The following NHSL2 variants were observed in gnomAD, a reference collection of about 807,000 sequenced individuals.
NHSL2 encodes NHS-like protein 2.
A neutral mutation model predicts 53.4 loss-of-function variants in NHSL2; 27 were observed. That is an observed-to-expected ratio of 0.51 (90% CI 0.37 to 0.70). The LOEUF is 0.70. Ranked by LOEUF, NHSL2 falls within the 30% of genes least tolerant of loss-of-function variation. The probability of loss-of-function intolerance (pLI) is 0.00; values close to 1 mark genes in which losing one functional copy is unlikely to be tolerated. For missense variants in NHSL2, 892 were observed against 980.1 expected (o/e 0.91, Z 1.20); for synonymous variants, 408 against 404.1 (o/e 1.01, Z -0.12).
At chrX:72,005,729 AT>A (rs1277547760) in intron 1 of NHSL2, among the ~76,000 whole-genome samples, 3 of 111,697 alleles carry the variant, frequency 2.7e-5, no homozygotes, top group East Asian at 5.6e-4. Context: ...ATGTAAGATG[AT>A]TCATCAGTGG....
intron 1 of NHSL2, among the ~76,000 whole-genome samples, chrX:71,952,361 A>C (rs1201642304): frequency 1.2e-4 from 13 of 112,348 alleles, no homozygotes; most frequent in Non-Finnish European, 2.4e-4. Flanking sequence ...GAGTGTTTAC[A>C]GTTGGAGAAG....
intron 1 of NHSL2, among the ~76,000 whole-genome samples, chrX:72,084,154 A>G (rs753081631): frequency 4.4e-4 from 49 of 112,196 alleles, no homozygotes; most frequent in African/African-American, 1.6e-3. Context: ...TTACAGGCCT[A>G]TATCCTCCAC....
chrX:72,120,071 G>A (rs1442775619), intron 1 of NHSL2, among the ~76,000 whole-genome samples: 3 of 112,379 alleles, frequency 2.7e-5, no homozygotes, highest in Non-Finnish European at 3.8e-5. Context: ...CTTGGTCATC[G>A]TGTATGATCC....
intron 1 of NHSL2, among the ~76,000 whole-genome samples, chrX:72,021,783 CAGA>C (rs1408907392): frequency 1.8e-5 from 2 of 111,545 alleles, no homozygotes; most frequent in African/African-American, 3.3e-5. Flanking sequence ...CTCCTCTGCT[CAGA>C]AGCCTTCAGA....
intron 1 of NHSL2, among the ~76,000 whole-genome samples, chrX:71,934,866 A>G (rs2041730134): frequency 8.9e-6 from 1 of 112,386 alleles, no homozygotes; most frequent in Admixed American, 9.4e-5. Context: ...GATGGCGTCC[A>G]TTCTTAACTA....
chrX:72,011,481 C>A (rs1271574768), intron 1 of NHSL2, among the ~76,000 whole-genome samples: 1 of 111,869 alleles, frequency 8.9e-6, no homozygotes, highest in African/African-American at 3.3e-5. Flanking sequence ...ACCATCGTGG[C>A]CAACACGGTG....
intron 1 of NHSL2, among the ~76,000 whole-genome samples, chrX:72,100,532 T>C (rs1222408374): frequency 8.9e-6 from 1 of 112,346 alleles, no homozygotes; most frequent in Non-Finnish European, 1.9e-5. Flanking sequence ...TACCAGTCCA[T>C]GACCTGTTAA....
At chrX:72,069,974 G>A (rs1291177628) in intron 1 of NHSL2, among the ~76,000 whole-genome samples, 2 of 112,087 alleles carry the variant, frequency 1.8e-5, no homozygotes, top group East Asian at 2.8e-4. Flanking sequence ...CAGCCCCTTC[G>A]CCGGCAACCC....
intron 1 of NHSL2, among the ~76,000 whole-genome samples, chrX:72,107,077 C>T (rs1370831968): frequency 9.1e-6 from 1 of 110,084 alleles, no homozygotes; most frequent in Non-Finnish European, 1.9e-5. Context: ...CAAACCTGCA[C>T]ATTGCACACA....
intron 1 of NHSL2, chrX:72,130,766 G>GA: frequency 8.3e-7 from 1 of 1,211,885 alleles, no homozygotes; most frequent in Non-Finnish European, 1.1e-6. Context: ...GCCAGGAACT[G>GA]AAAAGCATCT....
intron 1 of NHSL2, among the ~76,000 whole-genome samples, chrX:72,017,560 G>T (rs374822751): frequency 6.9e-4 from 78 of 112,626 alleles, no homozygotes; most frequent in African/African-American, 2.5e-3. Context: ...AGTAGGGGCT[G>T]GCTTAGGGGT....
chrX:71,964,036 T>TGTATATAC, intron 1 of NHSL2, among the ~76,000 whole-genome samples: 1 of 44,846 alleles, frequency 2.2e-5, no homozygotes, highest in African/African-American at 1.0e-4. Context: ...TGTATATATA[T>TGTATATAC]ATATATGTAT....
rs1441479771 is a variant in NHSL2 at position 72,146,685 on chromosome X, A to G, written c.*3111A>G. 1 of 111,503 alleles carries G rather than the reference A, an allele frequency of 9.0e-6. No homozygotes were observed. Among genetic ancestry groups the G allele is most frequent in the Non-Finnish European group, 1.9e-5 (1 of 53,109 alleles). The allele number at this position is 111,503 out of a possible 1,213,427, so 9.2% of individuals were successfully genotyped here. A position where few individuals can be genotyped will look rare whatever the true frequency, so the allele number is the denominator to read the frequency against. ...CAGGAGCGGAGGTTAATTGTTAACC[A>G]AGGATGCTTTGCATTTGGTGGGTAG... On this transcript the variant is annotated 3_prime_UTR_variant, in exon 8 of 8. Transcript: ENST00000633930.
At chrX:71,919,993 G>A (rs762969530) in intron 1 of NHSL2, among the ~76,000 whole-genome samples, 2 of 112,762 alleles carry the variant, frequency 1.8e-5, no homozygotes, top group Admixed American at 9.4e-5. Flanking sequence ...AACCAGCCTG[G>A]TTTATGGGTG....
At chrX:72,037,246 C>T (rs1223107184) in intron 1 of NHSL2, among the ~76,000 whole-genome samples, 3 of 110,907 alleles carry the variant, frequency 2.7e-5, no homozygotes, top group African/African-American at 9.9e-5. Context: ...GGTGAAACCC[C>T]GTCTCTACTA....
intron 1 of NHSL2, among the ~76,000 whole-genome samples, chrX:72,026,401 A>G (rs2042185936): frequency 8.9e-6 from 1 of 112,535 alleles, no homozygotes. Flanking sequence ...CTTTGGGGAC[A>G]ACAAGGAAGG....
At chrX:72,065,425 G>A (rs772616585) in intron 1 of NHSL2, among the ~76,000 whole-genome samples, 13 of 112,197 alleles carry the variant, frequency 1.2e-4, no homozygotes, top group South Asian at 3.7e-4. Context: ...ACAAATGAGA[G>A]GCTCAGCCAG....
chrX:72,056,525 G>C (rs2042370326), intron 1 of NHSL2, among the ~76,000 whole-genome samples: 1 of 109,698 alleles, frequency 9.1e-6, no homozygotes, highest in Non-Finnish European at 1.9e-5. Flanking sequence ...CATAATATAT[G>C]TATTTGTGTG....
At chrX:72,076,385 A>C (rs1051369645) in intron 1 of NHSL2, among the ~76,000 whole-genome samples, 2 of 111,491 alleles carry the variant, frequency 1.8e-5, no homozygotes, top group African/African-American at 3.3e-5. Context: ...AGAAACCACT[A>C]ATCTCCCACA....
Sources: gnomAD v4.1 joint callset for allele counts (sites outside exome capture counted in the v4.1 genomes callset) on GRCh38, gnomAD v4.1.1 for gene constraint, MANE v1.5 for transcripts, NCBI Gene and HGNC (gene_info 2026-07-23, HGNC 2026-07-21) for gene names.